DLGAP3: variants seen among roughly 807,000 people sequenced by gnomAD.
The protein encoded by DLGAP3 is disks large-associated protein 3.
Under a neutral mutation model 81.2 loss-of-function variants are expected in DLGAP3, and 17 were observed. The ratio of observed to expected loss-of-function variants is 0.21; its 90% CI spans 0.14 to 0.31. The LOEUF (loss-of-function observed/expected upper bound fraction) is 0.31, where lower values mean the gene tolerates loss of function less well. DLGAP3 is among the 10% of genes least tolerant of loss of function. The pLI, the probability that DLGAP3 is intolerant of heterozygous loss-of-function variation, is 1.00. For synonymous variants in DLGAP3, 577 were observed against 587.4 expected, an observed-to-expected ratio of 0.98 and a Z score of 0.26; for missense variants, 1,124 against 1,388.0, an observed-to-expected ratio of 0.81 and a Z score of 3.02.
intron 5 of DLGAP3, among the ~76,000 whole-genome samples, chr1:34,887,251 G>A (rs906867377): frequency 2.0e-5 from 3 of 151,978 alleles, no homozygotes; most frequent in Middle Eastern, 3.4e-3. Flanking sequence ...CACCGCACCC[G>A]GCCCTTGCCT....
intron 1 of DLGAP3, among the ~76,000 whole-genome samples, chr1:34,910,555 C>A (rs189531996): frequency 3.9e-5 from 6 of 152,316 alleles, no homozygotes; most frequent in Non-Finnish European, 7.3e-5. Flanking sequence ...GCTTTCTCTG[C>A]GGCAGCCAGG....
Position 34,885,713 on chromosome 1 carries a change from C to T in DLGAP3, c.1679G>A (p.Ser560Asn). Residue 560 changes from serine to asparagine, a missense_variant, in exon 7 of 12, where the codon AGC (serine) becomes AAC (asparagine). This residue lies in a region of DLGAP3 where 379 missense variants were observed against 455.7 expected (regional missense o/e 0.83). Coordinates refer to ENST00000373347, the MANE Select transcript of DLGAP3 (RefSeq NM_001080418.3). ...APPRISITAQ[S>N]STDSAHESFT... ...GCTCTCGTGCGCGGAGTCGGTGCTG[C>T]TCTGGGCGGTGATGGAGATGCGGGG... 7.0e-7 allele frequency: 1 copy of T among 1,427,102 alleles called. No individual in the cohort carries two copies. Among genetic ancestry groups the T allele is most frequent in the Non-Finnish European group, 9.1e-7 (1 of 1,099,952 alleles). 88.4% of individuals were successfully genotyped at this position (1,427,102 alleles called of 1,614,324 possible).
rs149504598 is a variant in DLGAP3, at chr1:34,873,813, CTGGTTGGTTGGT to C, written c.2001-4736_2001-4725del. ...TCACTAAATAGGGCAGTTCATCACA[CTGGTTGGTTGGT>C]TGGTTGGTTGGTTGGTTGGTTGGTT... On this transcript the variant is annotated intron_variant, in intron 8 of 11. Coordinates refer to ENST00000373347, the MANE Select transcript of DLGAP3 (RefSeq NM_001080418.3). The surrounding 1 kb of genome is among the most constrained non-coding windows in gnomAD (Gnocchi z 4.2). 1.1e-3 allele frequency among the ~76,000 whole-genome samples: 172 copies of C among 151,112 alleles called. 2 individuals are homozygous for C. The highest frequency in any genetic ancestry group is 0.01 in the East Asian group (54 of 5,168).
chr1:34,885,347 C>T (rs1406978238), intron 7 of DLGAP3, 131 bp downstream of exon 7: 2 of 1,040,604 alleles, frequency 1.9e-6, no homozygotes, highest in Non-Finnish European at 2.9e-6. Context: ...GATGTCCAGG[C>T]ACGGGGTTCA....
chr1:34,921,632 G>C (rs1277934635), intron 1 of DLGAP3, among the ~76,000 whole-genome samples: 1 of 152,230 alleles, frequency 6.6e-6, no homozygotes, highest in Non-Finnish European at 1.5e-5. Flanking sequence ...TGGCAGATTA[G>C]AGGCATAAAA....
In DLGAP3 at chr1:34,869,095, G is replaced by C; in HGVS notation, c.2001-6C>G. On this transcript the variant is annotated splice_polypyrimidine_tract_variant and splice_region_variant and intron_variant, in intron 8 of 11. Transcript: ENST00000373347. ...AGCGCTTGAACCTTGCTCGCCTGGGGAGAGGGGTGGCTGTCATCCCCCATT... is the reference window on the plus strand; with the variant it reads ...AGCGCTTGAACCTTGCTCGCCTGGGCAGAGGGGTGGCTGTCATCCCCCATT... 3.8e-6 allele frequency: 6 copies of C among 1,580,834 alleles called. No individual in the cohort carries two copies. The highest frequency in any genetic ancestry group is 2.2e-5 in the East Asian group (1 of 44,530).
Position 34,904,413 on chromosome 1 carries a change from C to A in DLGAP3, c.971G>T (p.Gly324Val), listed in dbSNP as rs1401122958. Residue 324 changes from glycine to valine, a missense_variant, in exon 3 of 12, where the codon GGA (glycine) becomes GTA (valine). Gly to Val is a moderately radical substitution (Grantham distance 109, BLOSUM62 -3). This residue lies in a region of DLGAP3 where 357 missense variants were observed against 408.8 expected (regional missense o/e 0.87). Transcript: ENST00000373347. The surrounding 1 kb of genome is among the most constrained non-coding windows in gnomAD (Gnocchi z 8.1). ...ACTGMSMSLDGQSVKRSAWHT... is the reference protein window; with the variant it reads ...ACTGMSMSLDVQSVKRSAWHT... ...CCAGGCACTTCGCTTGACCGACTGT[C>A]CATCCAGTGACATGGACATGCCAGT... The A allele has an allele frequency of 6.2e-7, 1 of 1,614,086 alleles. No individual in the cohort carries two copies. Among genetic ancestry groups the A allele is most frequent in the Non-Finnish European group, 8.5e-7 (1 of 1,180,040 alleles).
intron 3 of DLGAP3, among the ~76,000 whole-genome samples, chr1:34,903,063 T>C (rs1448303330): frequency 6.6e-6 from 1 of 152,186 alleles, no homozygotes; most frequent in African/African-American, 2.4e-5. Context: ...CTAACTTGTG[T>C]GCAACTTACC....
chr1:34,917,992 C>G (rs1249353742), intron 1 of DLGAP3, among the ~76,000 whole-genome samples: 1 of 152,180 alleles, frequency 6.6e-6, no homozygotes, highest in East Asian at 1.9e-4. Flanking sequence ...CCAAGCCAGC[C>G]CAGGCCAATA....
At chr1:34,892,573 G>T (rs936512881) in intron 5 of DLGAP3, among the ~76,000 whole-genome samples, 3 of 152,050 alleles carry the variant, frequency 2.0e-5, no homozygotes, top group African/African-American at 7.3e-5. Context: ...CTATTCACAG[G>T]CACAATCATA....
rs1435064000 is a variant in DLGAP3, at chr1:34,905,169, C to A, written c.215G>T (p.Gly72Val). 2 of 1,574,952 alleles carry A rather than the reference C, an allele frequency of 1.3e-6. No homozygotes were observed. The highest frequency in any genetic ancestry group is 3.7e-5 in the Admixed American group (2 of 54,224). The change falls in exon 3 of 12, where the codon GGC (glycine) becomes GTC (valine). Residue 72 changes from glycine to valine, a missense_variant. Gly to Val is a moderately radical substitution (Grantham distance 109, BLOSUM62 -3). This residue lies in a region of DLGAP3 where 167 missense variants were observed against 172.1 expected (regional missense o/e 0.97). Transcript: ENST00000373347. ...PLSLSEGPSV[G>V]PEGGPAGAGV... Reference sequence around the variant, plus strand: ...GGCCCCCGCTGGCCCTCCCTCAGGGCCTACCGACGGCCCCTCACTCAGGCT... The same window carrying A: ...GGCCCCCGCTGGCCCTCCCTCAGGGACTACCGACGGCCCCTCACTCAGGCT...
In DLGAP3 at chr1:34,900,148, G is replaced by A. The variant is rs1179207350; in HGVS notation, c.1233C>T (p.Gly411=). 6.2e-7 allele frequency: 1 copy of A among 1,614,038 alleles called. No individual in the cohort carries two copies. The highest frequency in any genetic ancestry group is 8.5e-7 in the Non-Finnish European group (1 of 1,180,026). Residue 411 remains glycine, a synonymous_variant, in exon 4 of 12, where the codon GGC becomes GGT. Transcript: ENST00000373347. The surrounding 1 kb of genome is among the most constrained non-coding windows in gnomAD (Gnocchi z 5.6). ...CTGCTTTGGGAGATGTCTTGGGGCT[G>A]CCGTCTGAGTCTCCGCTCTCCTCAT... ...MGDEESGDSD[G]SPKTSPKAVA...
intron 1 of DLGAP3, among the ~76,000 whole-genome samples, chr1:34,924,574 G>C (rs1431378425): frequency 6.6e-6 from 1 of 152,120 alleles, no homozygotes; most frequent in Admixed American, 6.5e-5. Flanking sequence ...CAGGAAGACC[G>C]GCGTTCTCTT....
At chr1:34,897,987 G>A (rs1210017282) in intron 5 of DLGAP3, among the ~76,000 whole-genome samples, 6 of 152,224 alleles carry the variant, frequency 3.9e-5, no homozygotes, top group East Asian at 1.9e-4. Flanking sequence ...CAGCAACTGC[G>A]GCAGCCAGGG....
chr1:34,867,769 A>G lies in DLGAP3; in HGVS notation c.2486-142T>C. 1.4e-6 allele frequency: 1 copy of G among 728,136 alleles called. No individual in the cohort carries two copies. Among genetic ancestry groups the G allele is most frequent in the South Asian group, 1.4e-5 (1 of 69,250 alleles). The allele number at this position is 728,136 out of a possible 1,614,324, so 45.1% of individuals were successfully genotyped here. ...TCTCCTCCAGCCCCAGCCCCATCCCATCCTCAAGTTCCTAACAAGTTCTCG... is the reference window on the plus strand; with the variant it reads ...TCTCCTCCAGCCCCAGCCCCATCCCGTCCTCAAGTTCCTAACAAGTTCTCG... On this transcript the variant is annotated intron_variant, in intron 9 of 11. Transcript: ENST00000373347. The surrounding 1 kb of genome is among the most constrained non-coding windows in gnomAD (Gnocchi z 4.3).
At chr1:34,899,857 G>A in intron 4 of DLGAP3, 116 bp from the exon 5 acceptor site, 1 of 1,050,936 alleles carries the variant, frequency 9.5e-7, no homozygotes, top group South Asian at 1.3e-5. Flanking sequence ...CCCAAAGAGA[G>A]ATCCCTTAGG....
In DLGAP3 at chr1:34,869,013, G is replaced by A. The variant is rs2148392228; in HGVS notation, c.2077C>T (p.Leu693=). Residue 693 remains leucine, a synonymous_variant, in exon 9 of 12, where the codon CTG becomes TTG. Transcript: ENST00000373347. ...ADLELEGLAG[L]ATVATEDKAL... ...TTGTCTTCTGTGGCCACCGTGGCCA[G>A]GCCTGCCAGGCCCTCCAGCTCCAGG... 6.2e-7 allele frequency: 1 copy of A among 1,604,096 alleles called. No individual in the cohort carries two copies. Among genetic ancestry groups the A allele is most frequent in the Non-Finnish European group, 8.5e-7 (1 of 1,179,290 alleles).
intron 2 of DLGAP3, among the ~76,000 whole-genome samples, chr1:34,905,740 A>C (rs1639541504): frequency 1.3e-5 from 2 of 151,986 alleles, no homozygotes; most frequent in Admixed American, 1.3e-4. Flanking sequence ...ACAGTGGTTC[A>C]CACCTGTACT....
chr1:34,883,722 G>A (rs2148400810), intron 8 of DLGAP3, among the ~76,000 whole-genome samples: 1 of 152,200 alleles, frequency 6.6e-6, no homozygotes, highest in African/African-American at 2.4e-5. Flanking sequence ...TACAGCCCCA[G>A]GAGCACACAG....
Sources: gnomAD v4.1 joint callset for allele counts (sites outside exome capture counted in the v4.1 genomes callset) on GRCh38, gnomAD v4.1.1 for gene constraint, gnomAD v4.1.1 regional missense constraint, Gnocchi (gnomAD v3.1) non-coding constraint, MANE v1.5 for transcripts, NCBI Gene and HGNC (gene_info 2026-07-23, HGNC 2026-07-21) for gene names.